The following UBR4 variants were observed in gnomAD, a reference collection of about 807,000 sequenced individuals.
The protein encoded by UBR4 is E3 ubiquitin-protein ligase UBR4.
UBR4 carries 124 observed loss-of-function variants against 575.6 expected under a neutral mutation model. That is an observed-to-expected ratio of 0.22 (90% CI 0.19 to 0.25). UBR4 has a LOEUF of 0.25. Ranked by LOEUF, UBR4 falls within the 10% of genes least tolerant of loss-of-function variation. The probability of loss-of-function intolerance (pLI) is 1.00; values close to 1 mark genes in which losing one functional copy is unlikely to be tolerated. For synonymous variants in UBR4, 2,455 were observed against 2,473.7 expected (o/e 0.99, Z 0.22); for missense variants, 4,818 against 6,478.8 (o/e 0.74, Z 8.80).
At chr1:19,095,713 A>G in intron 92 of UBR4, 61 bp from the exon 93 acceptor site, 2 of 1,498,390 alleles carry the variant, frequency 1.3e-6, no homozygotes, top group South Asian at 2.3e-5. Context: ...CATGGGGGCC[A>G]GTAGGAAAGG....
intron 70 of UBR4, 148 bp downstream of exon 70, chr1:19,119,409 G>T: frequency 1.8e-6 from 2 of 1,129,612 alleles, no homozygotes; most frequent in Non-Finnish European, 2.5e-6. Flanking sequence ...TATTACGAGT[G>T]CTTACCAAGA....
rs544417469 is a variant in UBR4 at position 19,145,222 on chromosome 1, A to C, written c.7946-315T>G. On this transcript the variant is annotated intron_variant, in intron 53 of 105. Coordinates refer to ENST00000375254, the MANE Select transcript of UBR4 (RefSeq NM_020765.3). ...AATATGAAGAGGAAGGCAGATACTA[A>C]ATGTTCCCTAATATCCCCCAACCTC... is the stretch of plus-strand genomic sequence containing the variant. 2.6e-5 allele frequency among the ~76,000 whole-genome samples: 4 copies of C among 152,318 alleles called. No homozygotes were observed. In the South Asian group the frequency reaches 8.3e-4, roughly 32 times the overall value.
intron 50 of UBR4, 118 bp downstream of exon 50, chr1:19,148,445 A>G: frequency 7.5e-7 from 1 of 1,331,116 alleles, no homozygotes; most frequent in Non-Finnish European, 1.1e-6. Context: ...GCTTCTTAGC[A>G]AATCAAGATT....
intron 60 of UBR4, among the ~76,000 whole-genome samples, chr1:19,137,319 GACTT>G (rs1168523556): frequency 2.0e-5 from 3 of 151,168 alleles, no homozygotes; most frequent in Non-Finnish European, 2.9e-5. Context: ...AAAAAATTCT[GACTT>G]ACTATTTTTA....
At chr1:19,129,895 T>G in intron 60 of UBR4, among the ~76,000 whole-genome samples, 1 of 152,232 alleles carries the variant, frequency 6.6e-6, no homozygotes, top group Admixed American at 6.5e-5. Context: ...AAATGGTCCT[T>G]GTCTCATTTT....
intron 92 of UBR4, 127 bp downstream of exon 92, chr1:19,096,396 C>G (rs184740198): frequency 4.8e-4 from 696 of 1,451,578 alleles, no homozygotes; most frequent in Middle Eastern, 3.9e-3. Context: ...CCTTCACTGG[C>G]TCGCACTGCT....
chr1:19,141,385 T>A lies in UBR4; in HGVS notation c.8450A>T (p.Glu2817Val). 6.2e-7 allele frequency: 1 copy of A among 1,614,240 alleles called. No homozygotes were observed. The highest frequency in any genetic ancestry group is 8.5e-7 in the Non-Finnish European group (1 of 1,180,038). ...CTGCAGGCTCAGGGCAATGGCTAGT[T>A]CAACCATGGTCTCGTCATCTGCATC... Reference protein sequence around the residue: ...PPDADDETMVELAIALSLQQD... With the variant: ...PPDADDETMVVLAIALSLQQD... Residue 2817 changes from glutamate to valine, a missense_variant, in exon 57 of 106, where the codon GAA becomes GTA. Physicochemically the swap from Glu to Val is moderately radical, Grantham distance 121. Coordinates refer to ENST00000375254, the MANE Select transcript of UBR4 (RefSeq NM_020765.3).
chr1:19,158,445 G>A (rs1467663547), intron 39 of UBR4, among the ~76,000 whole-genome samples: 1 of 151,838 alleles, frequency 6.6e-6, no homozygotes, highest in Non-Finnish European at 1.5e-5. Flanking sequence ...AAATAAAACC[G>A]TGACTCATTT....
Position 19,129,025 on chromosome 1 carries a change from G to A in UBR4, c.8956C>T (p.Pro2986Ser). 1 of 1,614,058 alleles carries A rather than the reference G, an allele frequency of 6.2e-7. No individual in the cohort carries two copies. The highest frequency in any genetic ancestry group is 2.2e-5 in the East Asian group (1 of 44,884). ...MLLERLLQTL[P>S]QLRNVGGVRA... ...ACACCGCCAACGTTTCGTAATTGAG[G>A]CAGGGTCTGCAGTAATCTCTCCAAC... The change falls in exon 61 of 106, where the codon CCT becomes TCT. Residue 2986 changes from proline to serine, a missense_variant. Physicochemically the swap from Pro to Ser is moderately conservative, Grantham distance 74. Coordinates refer to ENST00000375254, the MANE Select transcript of UBR4 (RefSeq NM_020765.3).
chr1:19,141,357 C>T lies in UBR4; in HGVS notation c.8478G>A (p.Gln2826=). The change falls in exon 57 of 106, where the codon CAG becomes CAA. Residue 2826 remains glutamine, a synonymous_variant. Coordinates refer to ENST00000375254, the MANE Select transcript of UBR4 (RefSeq NM_020765.3). ...GGCATGGCCTTCTACCTTGTTGGTCCTGCTGCAGGCTCAGGGCAATGGCTA... is the reference window on the plus strand; with the variant it reads ...GGCATGGCCTTCTACCTTGTTGGTCTTGCTGCAGGCTCAGGGCAATGGCTA... ...VELAIALSLQ[Q]DQQGSSSSAL... 1 of 1,614,230 alleles carries T rather than the reference C, an allele frequency of 6.2e-7. No individual in the cohort carries two copies. Among genetic ancestry groups the T allele is most frequent in the Non-Finnish European group, 8.5e-7 (1 of 1,180,038 alleles).
At position 19,161,996 on chromosome 1, in the gene UBR4, T is replaced by C. The variant is rs529391339; in HGVS notation, c.4957-99A>G. ...CAACGCCCTATGGCGGGGTGAATAG[T>C]TGACTCGCAAATGACCCGTGGAAAT... On this transcript the variant is annotated intron_variant, in intron 35 of 105. Transcript: ENST00000375254. 2.7e-5 allele frequency: 37 copies of C among 1,377,420 alleles called. No individual in the cohort carries two copies. In the East Asian group the frequency reaches 8.7e-4, roughly 33 times the overall value. The allele number at this position is 1,377,420 out of a possible 1,614,324, so 85.3% of individuals were successfully genotyped here.
At chr1:19,193,625 A>G (rs1162124830) in intron 8 of UBR4, 68 bp from the exon 9 acceptor site, 1 of 1,531,522 alleles carries the variant, frequency 6.5e-7, no homozygotes, top group Non-Finnish European at 8.8e-7. Flanking sequence ...CTGAAACACA[A>G]AAGCACACCC....
At chr1:19,156,153 T>C in intron 42 of UBR4, 118 bp downstream of exon 42, 2 of 1,378,104 alleles carry the variant, frequency 1.5e-6, no homozygotes, top group Non-Finnish European at 2.0e-6. Context: ...GTACTACAGG[T>C]GAAAGTCATG....
intron 74 of UBR4, 42 bp from the exon 75 acceptor site, chr1:19,114,991 G>C: frequency 6.2e-7 from 1 of 1,612,790 alleles, no homozygotes; most frequent in Non-Finnish European, 8.5e-7. Context: ...TGACAAGGCT[G>C]GGTGGGGTGG....
chr1:19,202,440 C>A (rs972585887), intron 1 of UBR4, among the ~76,000 whole-genome samples: 14 of 152,156 alleles, frequency 9.2e-5, no homozygotes, highest in Non-Finnish European at 1.8e-4. Flanking sequence ...ACTCAATATA[C>A]TGTTAGTGGG....
intron 8 of UBR4, among the ~76,000 whole-genome samples, chr1:19,194,396 G>A (rs1184751113): frequency 6.6e-6 from 1 of 152,180 alleles, no homozygotes; most frequent in Non-Finnish European, 1.5e-5. Context: ...GTTGATGTGG[G>A]AGGATCATTT....
At chr1:19,162,725 A>G in intron 34 of UBR4, 114 bp from the exon 35 acceptor site, 2 of 1,286,216 alleles carry the variant, frequency 1.6e-6, no homozygotes, top group Non-Finnish European at 2.1e-6. Flanking sequence ...ATGAGAGCAG[A>G]GAAGAAAAAC....
At chr1:19,119,522 C>T in intron 70 of UBR4, 35 bp downstream of exon 70, 1 of 1,594,188 alleles carries the variant, frequency 6.3e-7, no homozygotes, top group Non-Finnish European at 8.6e-7. Flanking sequence ...TTAAATATGG[C>T]AAGTTGGCCC....
At chr1:19,190,092 G>A (rs1382115404) in intron 11 of UBR4, among the ~76,000 whole-genome samples, 2 of 150,650 alleles carry the variant, frequency 1.3e-5, no homozygotes, top group African/African-American at 4.9e-5. Flanking sequence ...TTCAATACCA[G>A]CCTAGCCAAC....
Sources: allele counts gnomAD v4.1 joint callset (sites outside exome capture counted in the v4.1 genomes callset), GRCh38; gene constraint gnomAD v4.1.1; transcripts MANE v1.5; gene names NCBI Gene and HGNC (gene_info 2026-07-23, HGNC 2026-07-21).